ZFAND3: variants seen among roughly 807,000 people sequenced by gnomAD.
ZFAND3 encodes AN1-type zinc finger protein 3.
ZFAND3 carries 10 observed loss-of-function variants against 29.6 expected under a neutral mutation model. That is an observed-to-expected ratio of 0.34 (90% confidence interval 0.21 to 0.57). The LOEUF (loss-of-function observed/expected upper bound fraction) is 0.57, where lower values mean the gene tolerates loss of function less well. ZFAND3 is among the 20% of genes least tolerant of loss of function. ZFAND3 has a pLI of 0.86. For synonymous variants in ZFAND3, 128 were observed against 112.6 expected, an observed-to-expected ratio of 1.14 and a Z score of -0.87; for missense variants, 230 against 304.5, an observed-to-expected ratio of 0.76 and a Z score of 1.82.
chr6:37,946,372 A>G (rs766092639), intron 2 of ZFAND3, among the ~76,000 whole-genome samples: 54 of 152,336 alleles, frequency 3.5e-4, no homozygotes, highest in Admixed American at 1.7e-3. Context: ...TAAGAAGGAA[A>G]ACACAGACCT....
chr6:38,010,921 T>C (rs1763139133), intron 2 of ZFAND3, among the ~76,000 whole-genome samples: 1 of 151,008 alleles, frequency 6.6e-6, no homozygotes, highest in African/African-American at 2.4e-5. Flanking sequence ...TTTTTTTTTT[T>C]TTTAAAGAGA....
chr6:38,107,929 TAAAA>T (rs11423651), intron 4 of ZFAND3, among the ~76,000 whole-genome samples: 1 of 142,286 alleles, frequency 7.0e-6, no homozygotes, highest in Non-Finnish European at 1.6e-5. Flanking sequence ...GAAGGACTGT[TAAAA>T]AAAAAAAAAG....
At chr6:37,934,414 G>A (rs949264414) in intron 2 of ZFAND3, among the ~76,000 whole-genome samples, 1 of 151,402 alleles carries the variant, frequency 6.6e-6, no homozygotes, top group Non-Finnish European at 1.5e-5. Flanking sequence ...GACACTTACA[G>A]TTAAGTATTC....
chr6:38,091,689 G>A (rs954564238), intron 4 of ZFAND3, among the ~76,000 whole-genome samples: 1 of 107,140 alleles, frequency 9.3e-6, no homozygotes, highest in Non-Finnish European at 2.0e-5. Flanking sequence ...CCATTAAGGA[G>A]CCTTTTTTTT....
chr6:38,014,311 C>CTTT lies in ZFAND3; in HGVS notation c.113-47281_113-47279dup, dbSNP rs1491512553. ...GTAGAGATTTTTGTTTGTAATTTTACTTTATTATTATTATTATTATTTTTT... is the reference window on the plus strand; with the variant it reads ...GTAGAGATTTTTGTTTGTAATTTTACTTTTTTATTATTATTATTATTATTTTTT... On this transcript the variant is annotated intron_variant, in intron 2 of 5. Coordinates refer to ENST00000287218, the MANE Select transcript of ZFAND3 (RefSeq NM_021943.3). Among the ~76,000 whole-genome samples, 12 of 109,878 alleles carry CTTT rather than the reference C, an allele frequency of 1.1e-4. No individual in the cohort carries two copies. In the East Asian group the frequency reaches 2.6e-3, roughly 23 times the overall value. The allele number at this position is 109,878 out of a possible 152,430, so 72.1% of individuals were successfully genotyped here.
intron 2 of ZFAND3, among the ~76,000 whole-genome samples, chr6:38,013,673 A>G (rs1041928013): frequency 2.0e-5 from 3 of 152,064 alleles, no homozygotes; most frequent in African/African-American, 7.2e-5. Flanking sequence ...GTAGGTGCCT[A>G]AGCCCTGAAA....
At chr6:37,997,815 G>T (rs1233316853) in intron 2 of ZFAND3, among the ~76,000 whole-genome samples, 4 of 152,294 alleles carry the variant, frequency 2.6e-5, no homozygotes, top group Middle Eastern at 3.4e-3. Context: ...TTTGAAAAGA[G>T]TGGCTAGCAC....
chr6:37,989,040 G>A (rs1454871872), intron 2 of ZFAND3, among the ~76,000 whole-genome samples: 1 of 152,014 alleles, frequency 6.6e-6, no homozygotes, highest in Non-Finnish European at 1.5e-5. Flanking sequence ...AGTAGTAGCT[G>A]GGATTACAGG....
rs12195159 is a variant in ZFAND3, at chr6:37,898,135, C to T, written c.72-31824C>T. Reference sequence around the variant, plus strand: ...CTATTACAGAGTTAAAAAAGACATTCGAGTTCATTCTTCTAGTTTTATTGT... The same window carrying T: ...CTATTACAGAGTTAAAAAAGACATTTGAGTTCATTCTTCTAGTTTTATTGT... On this transcript the variant is annotated intron_variant, in intron 1 of 5. Coordinates refer to ENST00000287218, the MANE Select transcript of ZFAND3 (RefSeq NM_021943.3). 8.3e-3 allele frequency among the ~76,000 whole-genome samples: 1,264 copies of T among 152,194 alleles called. 6 individuals carry two copies. The highest frequency in any genetic ancestry group is 0.013 in the Non-Finnish European group (904 of 67,996).
intron 1 of ZFAND3, among the ~76,000 whole-genome samples, chr6:37,902,312 C>G (rs749775702): frequency 4.0e-5 from 6 of 151,724 alleles, no homozygotes; most frequent in African/African-American, 7.3e-5. Flanking sequence ...ATTTTTAATA[C>G]AAAAATTAGC....
At chr6:38,059,457 T>C (rs990286270) in intron 2 of ZFAND3, among the ~76,000 whole-genome samples, 1 of 152,210 alleles carries the variant, frequency 6.6e-6, no homozygotes, top group African/African-American at 2.4e-5. Context: ...CATTTTAAGA[T>C]CAATTTTCTG....
chr6:37,896,835 G>C (rs904327453), intron 1 of ZFAND3, among the ~76,000 whole-genome samples: 6 of 151,690 alleles, frequency 4.0e-5, no homozygotes, highest in Admixed American at 2.0e-4. Context: ...TGTAGAAATT[G>C]CCAGTAAAGC....
chr6:38,120,256 G>A (rs999131762), intron 5 of ZFAND3, among the ~76,000 whole-genome samples: 1 of 146,792 alleles, frequency 6.8e-6, no homozygotes, highest in Non-Finnish European at 1.5e-5. Context: ...TCTGGGCCAC[G>A]TCACAGCCAC....
chr6:37,977,791 T>TC (rs1762508067), intron 2 of ZFAND3, among the ~76,000 whole-genome samples: 1 of 141,586 alleles, frequency 7.1e-6, no homozygotes, highest in African/African-American at 2.6e-5. Flanking sequence ...TTTTTTTTTT[T>TC]CAAATGAAGA....
chr6:37,992,232 T>C (rs1391218500), intron 2 of ZFAND3, among the ~76,000 whole-genome samples: 1 of 152,226 alleles, frequency 6.6e-6, no homozygotes, highest in Non-Finnish European at 1.5e-5. Flanking sequence ...AAGGAATTTT[T>C]TGTCTTTGCT....
Position 38,026,787 on chromosome 6 carries a change from CAGAGAGAG to C in ZFAND3, c.113-34789_113-34782del, listed in dbSNP as rs71907088. 1.5e-3 allele frequency among the ~76,000 whole-genome samples: 230 copies of C among 149,024 alleles called. 1 individual carries two copies. Among genetic ancestry groups the C allele is most frequent in the African/African-American group, 5.4e-3 (221 of 40,606 alleles). ...TTATGGCTCTTTGCATTTTAATAAC[CAGAGAGAG>C]AGAGAGAGAGAGAGAGTGTAATTTA... On this transcript the variant is annotated intron_variant, in intron 2 of 5. Coordinates refer to ENST00000287218, the MANE Select transcript of ZFAND3 (RefSeq NM_021943.3).
rs1766291043 is a variant in ZFAND3, at chr6:38,153,924, G to T, written c.*1535G>T. 2.0e-6 allele frequency: 2 copies of T among 985,458 alleles called. No individual in the cohort carries two copies. Among genetic ancestry groups the T allele is most frequent in the Non-Finnish European group, 2.4e-6 (2 of 829,934 alleles). 61.0% of individuals were successfully genotyped at this position (985,458 alleles called of 1,614,324 possible). A position where few individuals can be genotyped will look rare whatever the true frequency, so the allele number is the denominator to read the frequency against. ...TTTCCTTTTTATAAAACAACAAATG[G>T]TTCAACTCTGTCTGCAAATTAACAG... is the stretch of plus-strand genomic sequence containing the variant. On this transcript the variant is annotated 3_prime_UTR_variant, in exon 6 of 6. Transcript: ENST00000287218.
At chr6:38,031,979 A>G (rs1763570635) in intron 2 of ZFAND3, among the ~76,000 whole-genome samples, 1 of 151,916 alleles carries the variant, frequency 6.6e-6, no homozygotes, top group Admixed American at 6.6e-5. Flanking sequence ...CTACAGGGGT[A>G]TGGCACCATG....
chr6:37,929,967 A>C lies in ZFAND3; in HGVS notation c.80A>C (p.Lys27Thr). The C allele has an allele frequency of 1.9e-6, 3 of 1,597,920 alleles. No individual in the cohort carries two copies. Among genetic ancestry groups the C allele is most frequent in the Non-Finnish European group, 2.6e-6 (3 of 1,173,672 alleles). The part of the protein sequence containing the change: ...RCPCGFWGSS[K>T]TMNLCSKCFA... ...CTTTTTGTTTGCCCCAGGTCCAGCA[A>C]GACTATGAATCTCTGTTCCAAATGC... Residue 27 changes from lysine (K) to threonine (T), a missense_variant, in exon 2 of 6, where the codon AAG becomes ACG. Coordinates refer to ENST00000287218, the MANE Select transcript of ZFAND3 (RefSeq NM_021943.3).
Sources: allele counts gnomAD v4.1 joint callset (sites outside exome capture counted in the v4.1 genomes callset), GRCh38; gene constraint gnomAD v4.1.1; transcripts MANE v1.5; gene names NCBI Gene and HGNC (gene_info 2026-07-23, HGNC 2026-07-21).